Variants in BRD4 observed in about 807,000 individuals in gnomAD.
BRD4 encodes the protein bromodomain-containing protein 4.
BRD4 carries 16 observed loss-of-function variants against 142.1 expected under a neutral mutation model. The ratio of observed to expected loss-of-function variants is 0.11; its 90% CI spans 0.08 to 0.17. The LOEUF (loss-of-function observed/expected upper bound fraction) is 0.17. Among genes scored for constraint, BRD4 ranks in the 10% least tolerant of loss-of-function variants. The pLI, the probability that BRD4 is intolerant of heterozygous loss-of-function variation, is 1.00. For synonymous variants in BRD4, 833 were observed against 707.5 expected, an observed-to-expected ratio of 1.18 and a Z score of -2.82; for missense variants, 1,424 against 1,810.9, an observed-to-expected ratio of 0.79 and a Z score of 3.88.
At position 15,268,893 on chromosome 19, in the gene BRD4, C is replaced by T. The variant is rs1391045986; in HGVS notation, c.423+12G>A. Reference sequence around the variant, plus strand: ...TCCCCAGGGCAGCTGGACACCCACCCCTACATCTCACCTTGTTGTAGATGT... The same window carrying T: ...TCCCCAGGGCAGCTGGACACCCACCTCTACATCTCACCTTGTTGTAGATGT... On this transcript the variant is annotated intron_variant, in intron 3 of 19. Coordinates refer to ENST00000679869, the MANE Select transcript of BRD4 (RefSeq NM_001379291.1). 1.2e-6 allele frequency: 2 copies of T among 1,613,932 alleles called. No homozygotes were observed. Among genetic ancestry groups the T allele is most frequent in the Non-Finnish European group, 1.7e-6 (2 of 1,179,906 alleles).
At chr19:15,308,543 C>T (rs971358844) in intron 1 of BRD4, among the ~76,000 whole-genome samples, 2 of 149,724 alleles carry the variant, frequency 1.3e-5, no homozygotes, top group Non-Finnish European at 3.0e-5. Flanking sequence ...GCCAAGATTG[C>T]GCCACTGCAC....
chr19:15,324,561 G>C (rs2145004220), intron 1 of BRD4, among the ~76,000 whole-genome samples: 1 of 152,298 alleles, frequency 6.6e-6, no homozygotes, highest in East Asian at 1.9e-4. Flanking sequence ...CTGGGGACCA[G>C]AATCCTTTCA....
chr19:15,293,809 A>G (rs759143607), intron 1 of BRD4, among the ~76,000 whole-genome samples: 1 of 151,958 alleles, frequency 6.6e-6, no homozygotes, highest in Non-Finnish European at 1.5e-5. Flanking sequence ...CTCAACAGTA[A>G]CTCCTTAATC....
chr19:15,269,960 C>A (rs375788712), intron 2 of BRD4, among the ~76,000 whole-genome samples: 1 of 152,206 alleles, frequency 6.6e-6, no homozygotes, highest in Non-Finnish European at 1.5e-5. Context: ...GTGTGAGGAT[C>A]ACAGAGGGCC....
chr19:15,282,502 T>C (rs945857925), intron 1 of BRD4, among the ~76,000 whole-genome samples: 6 of 152,310 alleles, frequency 3.9e-5, no homozygotes, highest in Admixed American at 3.9e-4. Flanking sequence ...CTATGCAATC[T>C]ATCCCCTTTG....
chr19:15,261,214 C>T (rs759137775), intron 7 of BRD4, among the ~76,000 whole-genome samples: 2 of 152,190 alleles, frequency 1.3e-5, no homozygotes, highest in South Asian at 2.1e-4. Flanking sequence ...TGGCCGGGCA[C>T]GGTGGCTCAC....
chr19:15,295,201 T>C (rs924561692), intron 1 of BRD4, among the ~76,000 whole-genome samples: 1 of 152,146 alleles, frequency 6.6e-6, no homozygotes, highest in Non-Finnish European at 1.5e-5. Flanking sequence ...TGTCTATGCA[T>C]ACTGTATCCC....
At position 15,307,163 on chromosome 19, in the gene BRD4, G is replaced by A. The variant is rs559780360; in HGVS notation, c.-35+25127C>T. On this transcript the variant is annotated intron_variant, in intron 1 of 19. Transcript: ENST00000679869. ...GTCAGGCCAAGTCTCCTCAAGTTGA[G>A]TGACACAAATCAGAATCACTCAAAA... Among the ~76,000 whole-genome samples the A allele has an allele frequency of 1.5e-4, 23 of 152,288 alleles. No homozygotes were observed. The South Asian group carries it at 4.8e-3, about 32-fold the overall frequency.
intron 7 of BRD4, among the ~76,000 whole-genome samples, chr19:15,262,634 G>T (rs545640874): frequency 6.6e-6 from 1 of 151,988 alleles, no homozygotes; most frequent in African/African-American, 2.4e-5. Flanking sequence ...GAGGTGGGAG[G>T]ATCGCTTGAA....
intron 2 of BRD4, among the ~76,000 whole-genome samples, chr19:15,269,321 AT>A (rs2047564147): frequency 6.6e-6 from 1 of 152,144 alleles, no homozygotes; most frequent in African/African-American, 2.4e-5. Flanking sequence ...TGAAATGCAC[AT>A]TTTTTCTTTT....
chr19:15,290,545 A>G (rs1210615488), intron 1 of BRD4, among the ~76,000 whole-genome samples: 2 of 152,184 alleles, frequency 1.3e-5, no homozygotes, highest in Non-Finnish European at 2.9e-5. Context: ...GTGCAAGTAT[A>G]CACCTAGAAC....
chr19:15,310,866 G>C (rs1205676542), intron 1 of BRD4, among the ~76,000 whole-genome samples: 1 of 152,118 alleles, frequency 6.6e-6, no homozygotes, highest in Admixed American at 6.5e-5. Flanking sequence ...CCGTACCTTT[G>C]TGCCTACTCT....
At chr19:15,265,710 G>A in intron 4 of BRD4, 67 bp from the exon 5 acceptor site, 1 of 1,519,618 alleles carries the variant, frequency 6.6e-7, no homozygotes, top group Non-Finnish European at 9.1e-7. Context: ...TGACCTCGTG[G>A]GGACATACAC....
At chr19:15,249,090 C>A in intron 11 of BRD4, 1 of 905,976 alleles carries the variant, frequency 1.1e-6, no homozygotes, top group Non-Finnish European at 1.7e-6. Context: ...GCAGCCTTCC[C>A]GAAGGCGGGA....
chr19:15,241,524 C>A (rs1166643079), intron 14 of BRD4, among the ~76,000 whole-genome samples: 1 of 152,266 alleles, frequency 6.6e-6, no homozygotes, highest in East Asian at 1.9e-4. Flanking sequence ...GCTCTTGATG[C>A]CCCATCCTAG....
At position 15,293,227 on chromosome 19, in the gene BRD4, T is replaced by C. The variant is rs16980452; in HGVS notation, c.-34-20094A>G. ...AAAAACAAGCCTGAAACCATACAGT[T>C]TCGCTTGTTAAAGACACTAGAGTGG... is the stretch of plus-strand genomic sequence containing the variant. On this transcript the variant is annotated intron_variant, in intron 1 of 19. Transcript: ENST00000679869. Among the ~76,000 whole-genome samples the C allele has an allele frequency of 3.6e-3, 545 of 152,300 alleles. 5 individuals are homozygous for C. Among genetic ancestry groups the C allele is most frequent in the African/African-American group, 0.012 (516 of 41,558 alleles).
At chr19:15,326,536 T>C (rs1568414055) in intron 1 of BRD4, among the ~76,000 whole-genome samples, 1 of 152,108 alleles carries the variant, frequency 6.6e-6, no homozygotes. Context: ...TACAACCAAA[T>C]TGTGTTACTC....
chr19:15,312,023 C>T (rs575150690), intron 1 of BRD4, among the ~76,000 whole-genome samples: 2 of 152,306 alleles, frequency 1.3e-5, no homozygotes, highest in South Asian at 2.1e-4. Flanking sequence ...ATATAGTTTA[C>T]ACTGTAAAAT....
chr19:15,249,368 C>T (rs1232338269), intron 11 of BRD4: 23 of 1,610,654 alleles, frequency 1.4e-5, no homozygotes, highest in South Asian at 2.2e-5. Flanking sequence ...ACAGAAGAAC[C>T]GCAGACTGAG....
Sources: gnomAD v4.1 joint callset for allele counts (sites outside exome capture counted in the v4.1 genomes callset) on GRCh38, gnomAD v4.1.1 for gene constraint, MANE v1.5 for transcripts, NCBI Gene and HGNC (gene_info 2026-07-23, HGNC 2026-07-21) for gene names.